The following ATP6V1H variants were observed in gnomAD, a reference collection of about 807,000 sequenced individuals.
ATP6V1H encodes the protein ATPase H+ transporting V1 subunit H.
In ATP6V1H, 39 loss-of-function variants were observed where a neutral mutation model predicts 71.7. That is an observed-to-expected ratio of 0.54 (90% confidence interval 0.42 to 0.71). The LOEUF is 0.71. ATP6V1H is among the 30% of genes least tolerant of loss of function. The pLI, the probability that ATP6V1H is intolerant of heterozygous loss-of-function variation, is 0.00. For synonymous variants in ATP6V1H, 192 were observed against 199.3 expected (o/e 0.96, Z 0.31); for missense variants, 509 against 594.9 (o/e 0.86, Z 1.50).
chr8:53,840,560 T>C (rs1811313650), intron 2 of ATP6V1H, among the ~76,000 whole-genome samples: 1 of 151,710 alleles, frequency 6.6e-6, no homozygotes, highest in Non-Finnish European at 1.5e-5. Flanking sequence ...CCTACTAGAG[T>C]TTTAGTTCCT....
At chr8:53,783,032 G>C (rs1809223473) in intron 9 of ATP6V1H, among the ~76,000 whole-genome samples, 3 of 151,930 alleles carry the variant, frequency 2.0e-5, no homozygotes, top group Non-Finnish European at 4.4e-5. Flanking sequence ...GCCAGGCTTT[G>C]GTATCAGGAT....
intron 11 of ATP6V1H, among the ~76,000 whole-genome samples, chr8:53,763,924 TAAA>T (rs2130286950): frequency 6.6e-6 from 1 of 152,208 alleles, no homozygotes; most frequent in African/African-American, 2.4e-5. Context: ...GCTAGAGAAA[TAAA>T]AACCCCAAGG....
chr8:53,725,254 G>C (rs1563436974), intron 13 of ATP6V1H, among the ~76,000 whole-genome samples: 1 of 152,222 alleles, frequency 6.6e-6, no homozygotes, highest in East Asian at 1.9e-4. Flanking sequence ...AGAGACCTGA[G>C]CTAGCATGAG....
intron 9 of ATP6V1H, among the ~76,000 whole-genome samples, chr8:53,775,053 G>T (rs577751393): frequency 2.0e-4 from 30 of 152,376 alleles, no homozygotes; most frequent in African/African-American, 6.7e-4. Context: ...TGAAGGCGGC[G>T]TGTCCGGAGT....
intron 13 of ATP6V1H, among the ~76,000 whole-genome samples, chr8:53,742,702 G>C (rs760895079): frequency 2.0e-5 from 3 of 152,204 alleles, no homozygotes; most frequent in Non-Finnish European, 4.4e-5. Context: ...TGATACCACA[G>C]CAGTACTCCT....
chr8:53,823,889 C>A (rs925815519), intron 4 of ATP6V1H, among the ~76,000 whole-genome samples: 7 of 149,236 alleles, frequency 4.7e-5, no homozygotes, highest in African/African-American at 1.5e-4. Context: ...ATAATAAAGG[C>A]AAAAGCAGAA....
chr8:53,734,727 C>T (rs1453005917), intron 13 of ATP6V1H, among the ~76,000 whole-genome samples: 1 of 152,212 alleles, frequency 6.6e-6, no homozygotes, highest in Non-Finnish European at 1.5e-5. Context: ...CTTTAGGGAA[C>T]TCCTGGGCTG....
intron 9 of ATP6V1H, among the ~76,000 whole-genome samples, chr8:53,782,047 CGT>C (rs1219320328): frequency 6.6e-6 from 1 of 152,082 alleles, no homozygotes; most frequent in East Asian, 1.9e-4. Context: ...TCCATATGAA[CGT>C]TAAAGTAGTT....
At chr8:53,841,498 C>A in intron 2 of ATP6V1H, 80 bp downstream of exon 2, 2 of 1,449,468 alleles carry the variant, frequency 1.4e-6, no homozygotes, top group East Asian at 2.3e-5. Context: ...CCCTGTATTT[C>A]TCTCATAGAA....
At chr8:53,832,923 G>T in intron 3 of ATP6V1H, 61 bp downstream of exon 3, 1 of 1,175,134 alleles carries the variant, frequency 8.5e-7, no homozygotes, top group Non-Finnish European at 1.2e-6. Context: ...TAATCACTAA[G>T]ATTTTTCTAA....
At chr8:53,740,204 C>A (rs1035103899) in intron 13 of ATP6V1H, among the ~76,000 whole-genome samples, 2 of 152,110 alleles carry the variant, frequency 1.3e-5, no homozygotes, top group African/African-American at 4.8e-5. Context: ...CATATCTGAC[C>A]CAGTTCCATG....
chr8:53,730,527 T>G lies in ATP6V1H; in HGVS notation c.1391+13050A>C, dbSNP rs139680705. ...TTAAGAATCAATTTTACCAAAACCA[T>G]GAGTCTGAGTACGCACTATATATTG... On this transcript the variant is annotated intron_variant, in intron 13 of 13. Coordinates refer to ENST00000359530, the MANE Select transcript of ATP6V1H (RefSeq NM_015941.4). Among the ~76,000 whole-genome samples the G allele has an allele frequency of 2.0e-4, 30 of 152,296 alleles. 1 individual carries two copies. In the East Asian group the frequency reaches 5.2e-3, roughly 26 times the overall value.
chr8:53,822,303 A>C (rs948810951), intron 4 of ATP6V1H, among the ~76,000 whole-genome samples: 14 of 152,208 alleles, frequency 9.2e-5, no homozygotes, highest in African/African-American at 3.1e-4. Flanking sequence ...GTGAAAATTT[A>C]ATATAACAAA....
intron 4 of ATP6V1H, among the ~76,000 whole-genome samples, chr8:53,828,155 TTC>T (rs1190681150): frequency 6.6e-6 from 1 of 152,212 alleles, no homozygotes; most frequent in Admixed American, 6.5e-5. Context: ...CAAATGGTAG[TTC>T]TGTTTTTAGC....
intron 2 of ATP6V1H, 31 bp downstream of exon 2, chr8:53,841,545 ACT>A: frequency 6.2e-7 from 1 of 1,609,450 alleles, no homozygotes; most frequent in African/African-American, 1.3e-5. Context: ...AAAGCATATG[ACT>A]GTCCATGATT....
intron 2 of ATP6V1H, 105 bp from the exon 3 acceptor site, chr8:53,833,191 A>G: frequency 2.5e-6 from 2 of 806,978 alleles, no homozygotes; most frequent in Non-Finnish European, 4.0e-6. Flanking sequence ...GCAAACCACA[A>G]GGGCTGACGC....
chr8:53,819,946 A>G (rs1055200195), intron 4 of ATP6V1H, among the ~76,000 whole-genome samples: 2 of 151,802 alleles, frequency 1.3e-5, no homozygotes, highest in Non-Finnish European at 2.9e-5. Context: ...AAAAAGATCA[A>G]CTAAAAACTA....
chr8:53,721,585 G>C (rs1018419090), intron 13 of ATP6V1H, among the ~76,000 whole-genome samples: 10 of 152,068 alleles, frequency 6.6e-5, no homozygotes, highest in Non-Finnish European at 1.5e-4. Context: ...TACGTAACTC[G>C]AGTTTAGCAA....
chr8:53,775,124 C>T (rs1192771346), intron 9 of ATP6V1H, among the ~76,000 whole-genome samples: 3 of 152,170 alleles, frequency 2.0e-5, no homozygotes, highest in African/African-American at 7.2e-5. Flanking sequence ...TTCATGGTCT[C>T]GCTAGCTCAG....
Sources: allele counts gnomAD v4.1 joint callset (sites outside exome capture counted in the v4.1 genomes callset), GRCh38; gene constraint gnomAD v4.1.1; transcripts MANE v1.5; gene names NCBI Gene and HGNC (gene_info 2026-07-23, HGNC 2026-07-21).